Variants in NELL1 observed in about 807,000 individuals in gnomAD.
NELL1 encodes protein kinase C-binding protein NELL1.
In NELL1, 76 loss-of-function variants were observed where a neutral mutation model predicts 107.4. The ratio of observed to expected loss-of-function variants is 0.71; its 90% CI spans 0.59 to 0.86. The LOEUF (loss-of-function observed/expected upper bound fraction) is 0.86, where lower values mean the gene tolerates loss of function less well. Ranked by LOEUF, NELL1 falls within the 40% of genes least tolerant of loss-of-function variation. The pLI is 0.00. For missense variants in NELL1, 1,024 were observed against 1,005.5 expected (o/e 1.02, Z -0.25); for synonymous variants, 353 against 341.2 (o/e 1.03, Z -0.38).
intron 9 of NELL1, among the ~76,000 whole-genome samples, chr11:20,931,453 A>G (rs552693577): frequency 3.9e-5 from 6 of 152,172 alleles, no homozygotes; most frequent in Non-Finnish European, 8.8e-5. Context: ...TCCCTTTTAA[A>G]TATAAGTATG....
intron 4 of NELL1, among the ~76,000 whole-genome samples, chr11:20,856,798 A>G (rs1387946193): frequency 6.6e-6 from 1 of 152,216 alleles, no homozygotes; most frequent in East Asian, 1.9e-4. Context: ...TTGCTTAATC[A>G]TTAGTGAGTT....
intron 2 of NELL1, among the ~76,000 whole-genome samples, chr11:20,755,550 G>GTTTTTTTTTTTTTTTTTTT (rs1226891368): frequency 8.7e-6 from 1 of 114,566 alleles, no homozygotes; most frequent in African/African-American, 4.5e-5. Context: ...GTTTTTTTTT[G>GTTTTTTTTTTTTTTTTTTT]TTTTTGTTTT....
chr11:21,204,165 A>G (rs1356925356), intron 13 of NELL1, among the ~76,000 whole-genome samples: 1 of 152,130 alleles, frequency 6.6e-6, no homozygotes, highest in Non-Finnish European at 1.5e-5. Context: ...CTGTCTTGCT[A>G]GGTTGGGGAA....
At chr11:20,795,213 G>C (rs868028251) in intron 3 of NELL1, among the ~76,000 whole-genome samples, 1 of 152,126 alleles carries the variant, frequency 6.6e-6, no homozygotes, top group African/African-American at 2.4e-5. Context: ...AGCAGTATCT[G>C]GAAACTCCCT....
chr11:21,001,566 G>A (rs1852221900), intron 12 of NELL1, among the ~76,000 whole-genome samples: 1 of 152,010 alleles, frequency 6.6e-6, no homozygotes, highest in African/African-American at 2.4e-5. Context: ...TGTTATTTGG[G>A]TTCTCTGGGA....
At chr11:21,207,106 C>T (rs1053997742) in intron 13 of NELL1, among the ~76,000 whole-genome samples, 1 of 152,204 alleles carries the variant, frequency 6.6e-6, no homozygotes, top group African/African-American at 2.4e-5. Flanking sequence ...CATTGGACCA[C>T]AGTTAAGCTC....
intron 9 of NELL1, among the ~76,000 whole-genome samples, chr11:20,937,546 C>T (rs1179419256): frequency 1.3e-5 from 2 of 152,248 alleles, no homozygotes; most frequent in Non-Finnish European, 2.9e-5. Context: ...GCAACTGTAA[C>T]ATTGAAATAA....
At chr11:21,461,558 G>A (rs1020593553) in intron 15 of NELL1, among the ~76,000 whole-genome samples, 4 of 152,046 alleles carry the variant, frequency 2.6e-5, no homozygotes, top group Non-Finnish European at 4.4e-5. Flanking sequence ...AGCAATAGCA[G>A]CTGATTTTTA....
At chr11:20,851,616 T>A (rs138084325) in intron 4 of NELL1, among the ~76,000 whole-genome samples, 1 of 152,222 alleles carries the variant, frequency 6.6e-6, no homozygotes. Context: ...TGGGATTCAG[T>A]GCATAAGCAA....
intron 13 of NELL1, among the ~76,000 whole-genome samples, chr11:21,119,824 C>G (rs1181035853): frequency 6.6e-6 from 1 of 152,054 alleles, no homozygotes; most frequent in Non-Finnish European, 1.5e-5. Flanking sequence ...ATTTATTGGC[C>G]TCTGACTTTC....
intron 15 of NELL1, among the ~76,000 whole-genome samples, chr11:21,461,083 G>A (rs946205672): frequency 4.6e-5 from 7 of 152,020 alleles, no homozygotes; most frequent in African/African-American, 1.7e-4. Flanking sequence ...ATTCTTAGCT[G>A]GAAATTAGAG....
At chr11:20,757,092 T>A (rs1459498479) in intron 2 of NELL1, among the ~76,000 whole-genome samples, 3 of 152,086 alleles carry the variant, frequency 2.0e-5, no homozygotes, top group Non-Finnish European at 4.4e-5. Context: ...CTCTCCCAAC[T>A]TTTTTTCTCT....
At chr11:21,099,234 AAC>A (rs1554967542) in intron 12 of NELL1, among the ~76,000 whole-genome samples, 6 of 63,998 alleles carry the variant, frequency 9.4e-5, no homozygotes, top group Non-Finnish European at 1.9e-4. Flanking sequence ...CACACACACA[AAC>A]ACACACACAC....
intron 12 of NELL1, among the ~76,000 whole-genome samples, chr11:21,003,001 T>G (rs1852256600): frequency 6.6e-6 from 1 of 152,060 alleles, no homozygotes; most frequent in Non-Finnish European, 1.5e-5. Flanking sequence ...TAAATTAATA[T>G]TTCATCCATT....
intron 12 of NELL1, among the ~76,000 whole-genome samples, chr11:20,965,274 A>G (rs1851366769): frequency 6.6e-6 from 1 of 152,208 alleles, no homozygotes; most frequent in South Asian, 2.1e-4. Flanking sequence ...TAAGATGATA[A>G]TGAAACAGTG....
At position 20,809,095 on chromosome 11, in the gene NELL1, G is replaced by T. The variant is rs1590314908; in HGVS notation, c.335+25265G>T. Among the ~76,000 whole-genome samples, 4 of 152,262 alleles carry T rather than the reference G, an allele frequency of 2.6e-5. No individual in the cohort carries two copies. In the South Asian group the frequency reaches 8.3e-4, roughly 32 times the overall value. On this transcript the variant is annotated intron_variant, in intron 3 of 19. Coordinates refer to ENST00000357134, the MANE Select transcript of NELL1 (RefSeq NM_006157.5). ...TCATCTTGCTTCACCTCCTCCTGAAGAATTTGAAATAGGATTGGAAGGGCA... is the reference window on the plus strand; with the variant it reads ...TCATCTTGCTTCACCTCCTCCTGAATAATTTGAAATAGGATTGGAAGGGCA...
intron 5 of NELL1, among the ~76,000 whole-genome samples, chr11:20,890,230 G>A (rs1849590888): frequency 2.0e-5 from 3 of 152,064 alleles, no homozygotes; most frequent in African/African-American, 7.2e-5. Flanking sequence ...GGCCTGAAGT[G>A]AATCCCCAGC....
At chr11:21,125,600 T>C (rs1376846299) in intron 13 of NELL1, among the ~76,000 whole-genome samples, 2 of 152,324 alleles carry the variant, frequency 1.3e-5, no homozygotes, top group African/African-American at 2.4e-5. Flanking sequence ...GAGTTCTAAA[T>C]TGTGAGTTAC....
At chr11:21,029,177 A>C (rs1249165746) in intron 12 of NELL1, among the ~76,000 whole-genome samples, 4 of 152,144 alleles carry the variant, frequency 2.6e-5, no homozygotes, top group African/African-American at 9.7e-5. Flanking sequence ...TAAAGGGGGA[A>C]GAGAAAGGGG....
Sources: allele counts gnomAD v4.1 joint callset (sites outside exome capture counted in the v4.1 genomes callset), GRCh38; gene constraint gnomAD v4.1.1; transcripts MANE v1.5; gene names NCBI Gene and HGNC (gene_info 2026-07-23, HGNC 2026-07-21).